Variants in CNTNAP5 observed in about 807,000 individuals in gnomAD.
CNTNAP5 encodes contactin associated protein family member 5.
CNTNAP5 carries 72 observed loss-of-function variants against 150.2 expected under a neutral mutation model. The ratio of observed to expected loss-of-function variants is 0.48; its 90% CI spans 0.40 to 0.58. The LOEUF is 0.58. Ranked by LOEUF, CNTNAP5 falls within the 20% of genes least tolerant of loss-of-function variation. The probability of loss-of-function intolerance (pLI) is 0.00; values close to 1 mark genes in which losing one functional copy is unlikely to be tolerated. For missense variants in CNTNAP5, 1,636 were observed against 1,626.2 expected (o/e 1.01, Z -0.10); for synonymous variants, 672 against 619.8 (o/e 1.08, Z -1.25).
rs146256998 is a variant in CNTNAP5 at position 124,227,252 on chromosome 2, C to T, written c.187+5443C>T. On this transcript the variant is annotated intron_variant, in intron 2 of 23. Transcript: ENST00000682447. ...TTCAACTTCCAGCATGTTCTCCTCC[C>T]TAACAGATTTGCTAATAAATGCAGT... Among the ~76,000 whole-genome samples, 386 of 152,250 alleles carry T rather than the reference C, an allele frequency of 2.5e-3. 1 individual carries two copies. Among genetic ancestry groups the T allele is most frequent in the African/African-American group, 8.7e-3 (362 of 41,558 alleles).
At chr2:124,153,754 C>T (rs1029395643) in intron 1 of CNTNAP5, among the ~76,000 whole-genome samples, 3 of 151,540 alleles carry the variant, frequency 2.0e-5, no homozygotes, top group Non-Finnish European at 2.9e-5. Context: ...AGATTACAGG[C>T]GTATGCCACC....
intron 1 of CNTNAP5, among the ~76,000 whole-genome samples, chr2:124,126,416 A>G (rs1194725441): frequency 1.8e-5 from 1 of 55,836 alleles, no homozygotes; most frequent in African/African-American, 6.2e-5. Context: ...CCAATAATTA[A>G]TAGCTTACCA....
chr2:124,124,193 T>G (rs1478261549), intron 1 of CNTNAP5, among the ~76,000 whole-genome samples: 2 of 152,006 alleles, frequency 1.3e-5, no homozygotes, highest in Non-Finnish European at 2.9e-5. Flanking sequence ...CTAACTAAAA[T>G]AAACAGTGTA....
At chr2:124,199,677 C>T (rs569354707) in intron 1 of CNTNAP5, among the ~76,000 whole-genome samples, 6 of 152,102 alleles carry the variant, frequency 3.9e-5, no homozygotes, top group Admixed American at 6.5e-5. Context: ...ATCCTTCCAA[C>T]GAGCTGGGAT....
intron 1 of CNTNAP5, among the ~76,000 whole-genome samples, chr2:124,085,195 T>G (rs1313217122): frequency 2.6e-5 from 4 of 152,100 alleles, no homozygotes; most frequent in Non-Finnish European, 5.9e-5. Flanking sequence ...GCTGGGATTA[T>G]AGGCATGAGC....
At chr2:124,288,064 G>T (rs773184973) in intron 3 of CNTNAP5, among the ~76,000 whole-genome samples, 1 of 152,068 alleles carries the variant, frequency 6.6e-6, no homozygotes, top group Non-Finnish European at 1.5e-5. Flanking sequence ...CAAGTAGCTG[G>T]AACTACAGGC....
chr2:124,814,166 T>G (rs1279490242), intron 19 of CNTNAP5, among the ~76,000 whole-genome samples: 1 of 152,062 alleles, frequency 6.6e-6, no homozygotes, highest in African/African-American at 2.4e-5. Flanking sequence ...TATTAAGTTG[T>G]GCTCAGATGA....
chr2:124,917,331 CAAACA>C lies in CNTNAP5; in HGVS notation c.*3046_*3050del, dbSNP rs1023311110. ...CTGTTTCATTGATATTTTTTTCCAC[CAAACA>C]AATCTATTTATGTAAGCAACAGTAT... On this transcript the variant is annotated 3_prime_UTR_variant, in exon 24 of 24. Coordinates refer to ENST00000682447, the MANE Select transcript of CNTNAP5 (RefSeq NM_001367498.1). 6.6e-6 allele frequency among the ~76,000 whole-genome samples: 1 copy of C among 151,946 alleles called. No individual in the cohort carries two copies. Among genetic ancestry groups the C allele is most frequent in the Non-Finnish European group, 1.5e-5 (1 of 67,952 alleles).
chr2:124,830,101 T>G (rs2104680003), intron 19 of CNTNAP5, among the ~76,000 whole-genome samples: 1 of 151,980 alleles, frequency 6.6e-6, no homozygotes, highest in South Asian at 2.1e-4. Flanking sequence ...GGATCTAGAT[T>G]ATTTATCATT....
intron 14 of CNTNAP5, among the ~76,000 whole-genome samples, chr2:124,757,358 A>C (rs1488402165): frequency 6.6e-6 from 1 of 152,176 alleles, no homozygotes; most frequent in Non-Finnish European, 1.5e-5. Flanking sequence ...GGGGATGGTC[A>C]CCCTGAGACC....
chr2:124,648,085 CACA>C (rs1203709814), intron 13 of CNTNAP5, 127 bp downstream of exon 13: 11 of 790,080 alleles, frequency 1.4e-5, no homozygotes, highest in South Asian at 1.9e-5. Context: ...TCGAGAGAAA[CACA>C]ACAAGAGGGG....
chr2:124,205,150 C>T (rs1685830571), intron 1 of CNTNAP5, among the ~76,000 whole-genome samples: 1 of 152,098 alleles, frequency 6.6e-6, no homozygotes, highest in Non-Finnish European at 1.5e-5. Context: ...ATTGTAGTTT[C>T]CATAATACCC....
chr2:124,628,791 C>T (rs1330379231), intron 12 of CNTNAP5, among the ~76,000 whole-genome samples: 1 of 152,046 alleles, frequency 6.6e-6, no homozygotes, highest in Non-Finnish European at 1.5e-5. Context: ...AAGACCAGAC[C>T]CATCAGTGTG....
chr2:124,040,591 CTG>C (rs1310417405), intron 1 of CNTNAP5, among the ~76,000 whole-genome samples: 3 of 143,694 alleles, frequency 2.1e-5, no homozygotes, highest in African/African-American at 5.2e-5. Context: ...TTCTGTGTGC[CTG>C]TGTGTGCCTG....
intron 18 of CNTNAP5, 111 bp from the exon 19 acceptor site, chr2:124,797,985 A>G (rs780707600): frequency 1.5e-5 from 10 of 686,642 alleles, no homozygotes; most frequent in Non-Finnish European, 2.5e-5. Context: ...TGATGCATGT[A>G]TTACTCCTCA....
intron 1 of CNTNAP5, among the ~76,000 whole-genome samples, chr2:124,107,999 G>T (rs1238229211): frequency 6.6e-6 from 1 of 152,164 alleles, no homozygotes; most frequent in South Asian, 2.1e-4. Context: ...ACCTTTCACT[G>T]AATACACAAT....
At chr2:124,904,061 A>G (rs1236786197) in intron 22 of CNTNAP5, among the ~76,000 whole-genome samples, 2 of 146,898 alleles carry the variant, frequency 1.4e-5, no homozygotes, top group East Asian at 3.9e-4. Context: ...TTCAAAAAAA[A>G]AAACAAAAAA....
intron 10 of CNTNAP5, among the ~76,000 whole-genome samples, chr2:124,549,551 G>A (rs982924701): frequency 4.6e-5 from 7 of 152,066 alleles, no homozygotes; most frequent in Non-Finnish European, 7.4e-5. Flanking sequence ...TCATACATTA[G>A]CCTCAGTATT....
At chr2:124,812,911 C>T (rs1682268626) in intron 19 of CNTNAP5, among the ~76,000 whole-genome samples, 1 of 152,122 alleles carries the variant, frequency 6.6e-6, no homozygotes, top group African/African-American at 2.4e-5. Context: ...GAATAAATCT[C>T]TTCAAATATT....
Sources: gnomAD v4.1 joint callset for allele counts (sites outside exome capture counted in the v4.1 genomes callset) on GRCh38, gnomAD v4.1.1 for gene constraint, MANE v1.5 for transcripts, NCBI Gene and HGNC (gene_info 2026-07-23, HGNC 2026-07-21) for gene names.